Variants in RSBN1L observed in about 807,000 individuals in gnomAD.
The protein encoded by RSBN1L is round spermatid basic protein 1 like.
Under a neutral mutation model 67.7 loss-of-function variants are expected in RSBN1L, and 30 were observed. That is an observed-to-expected ratio of 0.44 (90% CI 0.33 to 0.60). The LOEUF is 0.60. Among genes scored for constraint, RSBN1L ranks in the 20% least tolerant of loss-of-function variants. The pLI, the probability that RSBN1L is intolerant of heterozygous loss-of-function variation, is 0.02. For missense variants in RSBN1L, 992 were observed against 1,031.7 expected (o/e 0.96, Z 0.53); for synonymous variants, 433 against 387.0 (o/e 1.12, Z -1.39).
intron 1 of RSBN1L, among the ~76,000 whole-genome samples, chr7:77,731,529 C>A (rs1171438315): frequency 6.6e-6 from 1 of 152,190 alleles, no homozygotes; most frequent in African/African-American, 2.4e-5. Flanking sequence ...AGCTACTGTG[C>A]CCAGCCTGGT....
intron 3 of RSBN1L, among the ~76,000 whole-genome samples, chr7:77,762,576 C>T (rs1584300601): frequency 1.3e-5 from 2 of 151,984 alleles, no homozygotes; most frequent in East Asian, 3.9e-4. Flanking sequence ...TTATTCTAAC[C>T]TGAAATAGCA....
intron 1 of RSBN1L, among the ~76,000 whole-genome samples, chr7:77,724,928 C>A (rs1218265008): frequency 6.8e-6 from 1 of 148,014 alleles, no homozygotes; most frequent in Admixed American, 6.7e-5. Context: ...CTGCAACCTC[C>A]GCCTCCCGGG....
chr7:77,778,313 C>T, intron 6 of RSBN1L, 25 bp from the exon 7 acceptor site: 1 of 1,515,726 alleles, frequency 6.6e-7, no homozygotes, highest in Non-Finnish European at 9.0e-7. Flanking sequence ...ATGGCAGATT[C>T]TTGTTATCTC....
intron 6 of RSBN1L, among the ~76,000 whole-genome samples, chr7:77,777,183 C>T (rs1015772249): frequency 2.0e-5 from 3 of 151,902 alleles, no homozygotes; most frequent in African/African-American, 7.2e-5. Flanking sequence ...CCTCACATTT[C>T]TGGCCTTTGT....
At chr7:77,709,542 G>C (rs1790945816) in intron 1 of RSBN1L, among the ~76,000 whole-genome samples, 1 of 152,022 alleles carries the variant, frequency 6.6e-6, no homozygotes, top group South Asian at 2.1e-4. Flanking sequence ...CACCCACCTT[G>C]GCCTCCCAAA....
At chr7:77,722,438 G>A (rs955968230) in intron 1 of RSBN1L, among the ~76,000 whole-genome samples, 1 of 152,104 alleles carries the variant, frequency 6.6e-6, no homozygotes, top group Non-Finnish European at 1.5e-5. Context: ...GAAATTTTGA[G>A]AAGGAATTGA....
chr7:77,712,175 T>C (rs1239275080), intron 1 of RSBN1L, among the ~76,000 whole-genome samples: 1 of 152,164 alleles, frequency 6.6e-6, no homozygotes, highest in Admixed American at 6.6e-5. Flanking sequence ...TACTGTTGTT[T>C]TAATGATTAC....
At chr7:77,714,929 C>T (rs549347509) in intron 1 of RSBN1L, among the ~76,000 whole-genome samples, 2 of 140,670 alleles carry the variant, frequency 1.4e-5, no homozygotes, top group African/African-American at 5.4e-5. Context: ...CACTACTGCA[C>T]TCCAGCCTGG....
At chr7:77,773,410 A>G in intron 6 of RSBN1L, 96 bp downstream of exon 6, 1 of 897,482 alleles carries the variant, frequency 1.1e-6, no homozygotes, top group East Asian at 2.8e-5. Flanking sequence ...GTGGGAAAAA[A>G]GTTTCATTTT....
At chr7:77,762,640 TATG>T (rs1253587642) in intron 3 of RSBN1L, among the ~76,000 whole-genome samples, 1 of 152,140 alleles carries the variant, frequency 6.6e-6, no homozygotes, top group African/African-American at 2.4e-5. Flanking sequence ...TGACACAACA[TATG>T]ATGTGTCTGT....
chr7:77,716,618 C>G (rs548556187), intron 1 of RSBN1L, among the ~76,000 whole-genome samples: 188 of 120,688 alleles, frequency 1.6e-3, no homozygotes, highest in African/African-American at 5.6e-3. Context: ...GCATGTGTAT[C>G]TTCATCTTTT....
At chr7:77,765,825 A>C (rs1341583159) in intron 4 of RSBN1L, among the ~76,000 whole-genome samples, 193 bp downstream of exon 4, 1 of 152,204 alleles carries the variant, frequency 6.6e-6, no homozygotes, top group African/African-American at 2.4e-5. Flanking sequence ...AAACTGACAT[A>C]ATTCTTGTGT....
At chr7:77,723,835 G>A (rs1334021077) in intron 1 of RSBN1L, among the ~76,000 whole-genome samples, 2 of 152,102 alleles carry the variant, frequency 1.3e-5, no homozygotes, top group African/African-American at 2.4e-5. Context: ...TCGGGTGGCC[G>A]AGGCAAGAGA....
At chr7:77,741,234 G>C (rs1440548455) in intron 2 of RSBN1L, among the ~76,000 whole-genome samples, 1 of 151,386 alleles carries the variant, frequency 6.6e-6, no homozygotes, top group Admixed American at 6.6e-5. Flanking sequence ...CAGTCCACCC[G>C]CCTCAGCCTC....
At chr7:77,777,082 A>G (rs766692715) in intron 6 of RSBN1L, among the ~76,000 whole-genome samples, 4 of 151,438 alleles carry the variant, frequency 2.6e-5, no homozygotes, top group South Asian at 2.1e-4. Context: ...AGTATTGTCA[A>G]CTTACCACAA....
intron 1 of RSBN1L, among the ~76,000 whole-genome samples, chr7:77,723,785 T>G (rs1047747377): frequency 2.0e-5 from 3 of 151,852 alleles, no homozygotes; most frequent in African/African-American, 7.3e-5. Flanking sequence ...AATACAAAAA[T>G]TAGCTGGACA....
intron 1 of RSBN1L, among the ~76,000 whole-genome samples, chr7:77,734,348 T>C (rs1791305622): frequency 6.6e-6 from 1 of 152,164 alleles, no homozygotes; most frequent in South Asian, 2.1e-4. Context: ...AATTGAATTA[T>C]TGGAAAAAGA....
chr7:77,744,838 T>C (rs1050007797), intron 2 of RSBN1L, among the ~76,000 whole-genome samples: 8 of 152,272 alleles, frequency 5.3e-5, no homozygotes, highest in Admixed American at 3.3e-4. Context: ...TGGATACTTA[T>C]GAATTATCAC....
At chr7:77,764,274 G>C (rs1450448521) in intron 3 of RSBN1L, among the ~76,000 whole-genome samples, 1 of 152,136 alleles carries the variant, frequency 6.6e-6, no homozygotes, top group Non-Finnish European at 1.5e-5. Context: ...TTATAATTTG[G>C]TTATCAAAAC....
Sources: gnomAD v4.1 joint callset for allele counts (sites outside exome capture counted in the v4.1 genomes callset) on GRCh38, gnomAD v4.1.1 for gene constraint, MANE v1.5 for transcripts, NCBI Gene and HGNC (gene_info 2026-07-23, HGNC 2026-07-21) for gene names.